The following CUL7 variants were observed in gnomAD, a reference collection of about 807,000 sequenced individuals.
CUL7 encodes the protein cullin 7.
In CUL7, 96 loss-of-function variants were observed where a neutral mutation model predicts 177.7. The observed-to-expected ratio is 0.54, with a 90% CI of 0.46 to 0.64. The LOEUF (loss-of-function observed/expected upper bound fraction) is 0.64, where lower values mean the gene tolerates loss of function less well. CUL7 is among the 30% of genes least tolerant of loss of function. The pLI, the probability that CUL7 is intolerant of heterozygous loss-of-function variation, is 0.00. For missense variants in CUL7, 1,893 were observed against 2,187.9 expected (o/e 0.87, Z 2.69); for synonymous variants, 824 against 890.2 (o/e 0.93, Z 1.32).
In CUL7 at chr6:43,037,904, G is replaced by C. The variant is rs1298638653; in HGVS notation, c.4881C>G (p.His1627Gln). ...GTCTCAGCGTGCCCTTGCCCAGGAG[G>C]TGTAGGATGCAGGAGAGGACGTCAG... ...SSTDVLSCIL[H>Q]LLGKGTLRRH... Residue 1627 changes from histidine to glutamine, a missense_variant, in exon 26 of 26, where the codon CAC (histidine) becomes CAG (glutamine). Physicochemically the swap from His to Gln is conservative, Grantham distance 24. Around this residue, in one of 5 missense-constraint regions of CUL7, gnomAD observed 248 missense variants for 262.5 expected, o/e 0.94. Coordinates refer to ENST00000265348, the MANE Select transcript of CUL7 (RefSeq NM_014780.5). 1 of 1,612,880 alleles carries C rather than the reference G, an allele frequency of 6.2e-7. No individual in the cohort carries two copies. Among genetic ancestry groups the C allele is most frequent in the Non-Finnish European group, 8.5e-7 (1 of 1,179,198 alleles).
rs549059005 is a variant in CUL7, at chr6:43,047,063, C to T, written c.2214G>A (p.Val738=). 13 of 1,613,548 alleles carry T rather than the reference C, an allele frequency of 8.1e-6. No homozygotes were observed. The East Asian group carries it at 1.8e-4, about 22-fold the overall frequency. The change falls in exon 10 of 26, where the codon GTG becomes GTA. Residue 738 remains valine, a synonymous_variant. Transcript: ENST00000265348. Reference sequence around the variant, plus strand: ...TCAGCACCACGGCATAGTCCCTGCTCACTGAGGTCAGGCGGTGCAGGAAGA... The same window carrying T: ...TCAGCACCACGGCATAGTCCCTGCTTACTGAGGTCAGGCGGTGCAGGAAGA... ...LIFFLHRLTS[V]SRDYAVVLNQ...
rs901304548 is a variant in CUL7 at position 43,046,987 on chromosome 6, C to T, written c.2290G>A (p.Gly764Arg). 6.2e-7 allele frequency: 1 copy of T among 1,613,046 alleles called. No individual in the cohort carries two copies. Among genetic ancestry groups the T allele is most frequent in the Non-Finnish European group, 8.5e-7 (1 of 1,179,044 alleles). The change falls in exon 10 of 26, where the codon GGA (glycine) becomes AGA (arginine). Residue 764 changes from glycine to arginine, a missense_variant. Physicochemically the swap from Gly to Arg is moderately radical, Grantham distance 125. Transcript: ENST00000265348. ...AGCTCCTGAGCCAGCTCCAGCTTTCCCAGGTGCTTTTCCAGGGCCTTGGAG... is the reference window on the plus strand; with the variant it reads ...AGCTCCTGAGCCAGCTCCAGCTTTCTCAGGTGCTTTTCCAGGGCCTTGGAG... ...AISKALEKHLGKLELAQELRD... is the reference protein window; with the variant it reads ...AISKALEKHLRKLELAQELRD...
Position 43,052,921 on chromosome 6 carries a change from C to T in CUL7, c.-8-125G>A, listed in dbSNP as rs1764550159. 4 of 974,692 alleles carry T rather than the reference C, an allele frequency of 4.1e-6. No homozygotes were observed. Among genetic ancestry groups the T allele is most frequent in the African/African-American group, 1.6e-5 (1 of 62,548 alleles). The allele number at this position is 974,692 out of a possible 1,614,324, so 60.4% of individuals were successfully genotyped here. A position where few individuals can be genotyped will look rare whatever the true frequency, so the allele number is the denominator to read the frequency against. On this transcript the variant is annotated intron_variant, in intron 1 of 25. Coordinates refer to ENST00000265348, the MANE Select transcript of CUL7 (RefSeq NM_014780.5). The surrounding 1 kb of genome is among the most constrained non-coding windows in gnomAD (Gnocchi z 4.5). ...CAGGCGGGGTGGGGTAAAGCCAGGCCCAGGAGTTGCATGCTGCACGCTGGG... is the reference window on the plus strand; with the variant it reads ...CAGGCGGGGTGGGGTAAAGCCAGGCTCAGGAGTTGCATGCTGCACGCTGGG...
intron 19 of CUL7, among the ~76,000 whole-genome samples, chr6:43,041,850 A>T (rs1005182105): frequency 1.3e-5 from 2 of 151,920 alleles, no homozygotes; most frequent in African/African-American, 4.8e-5. Context: ...CTAAAAATAC[A>T]AAAATTGGCT....
intron 22 of CUL7, among the ~76,000 whole-genome samples, chr6:43,039,802 C>T (rs1449447650): frequency 2.8e-5 from 4 of 143,968 alleles, no homozygotes; most frequent in East Asian, 2.0e-4. Context: ...TGCAGTGGCA[C>T]GATCTCGGCT....
rs527664718 is a variant in CUL7, at chr6:43,042,994, A to G, written c.3463-10T>C. 51 of 1,614,176 alleles carry G rather than the reference A, an allele frequency of 3.2e-5. 1 individual carries two copies. The East Asian group carries it at 9.4e-4, about 30-fold the overall frequency. ...TCAGAAAATTGTTCACCTGGAAGGA[A>G]GGGGCAGGAGCATGAAGACACAACC... On this transcript the variant is annotated splice_polypyrimidine_tract_variant and intron_variant, in intron 18 of 25. Transcript: ENST00000265348.
Position 43,048,351 on chromosome 6 carries a change from G to A in CUL7, c.2044C>T (p.Leu682=), listed in dbSNP as rs917753316. ...SLDTPETNRT[L]HLTVLRILKQ... is the part of the protein sequence containing the mutation. ...TCTCACCTCAGCACAGTCAGGTGCA[G>A]GGTCCTGTTAGTCTCCGGAGTGTCC... Residue 682 remains leucine, a synonymous_variant, in exon 8 of 26, where the codon CTG becomes TTG. Coordinates refer to ENST00000265348, the MANE Select transcript of CUL7 (RefSeq NM_014780.5). The A allele has an allele frequency of 6.2e-6, 10 of 1,611,938 alleles. No homozygotes were observed. Among genetic ancestry groups the A allele is most frequent in the Non-Finnish European group, 7.6e-6 (9 of 1,178,018 alleles).
In CUL7 at chr6:43,043,058, G is replaced by C. The variant is rs909479196; in HGVS notation, c.3462+16C>G. ...TTATGGTGTCCCCTCTCTCCCGCAG[G>C]CCTGCTCCTGCCCACCTGCTTCTCC... is the stretch of plus-strand genomic sequence containing the variant. On this transcript the variant is annotated intron_variant, in intron 18 of 25. Coordinates refer to ENST00000265348, the MANE Select transcript of CUL7 (RefSeq NM_014780.5). The surrounding 1 kb of genome is among the most constrained non-coding windows in gnomAD (Gnocchi z 4.2). 6.2e-7 allele frequency: 1 copy of C among 1,613,398 alleles called. No individual in the cohort carries two copies. The highest frequency in any genetic ancestry group is 1.3e-5 in the African/African-American group (1 of 74,908).
At chr6:43,049,201 A>T (rs1764195262) in intron 7 of CUL7, among the ~76,000 whole-genome samples, 4 of 152,174 alleles carry the variant, frequency 2.6e-5, no homozygotes. Context: ...AGTCTTCAAA[A>T]TTCTCTTGCA....
rs34049794 is a variant in CUL7 at position 43,045,332 on chromosome 6, C to T, written c.2933G>A (p.Arg978Gln). ...GPKPTFWPVF[R>Q]EQLCRHTRLF... ...GCGTGTGTGACGACAGAGCTGCTCC[C>T]GGAACACTGGCCAGAACGTGGGCTT... The change falls in exon 15 of 26, where the codon CGG becomes CAG. Residue 978 changes from arginine to glutamine, a missense_variant. Coordinates refer to ENST00000265348, the MANE Select transcript of CUL7 (RefSeq NM_014780.5). This position sits in a 1 kb window ranked among gnomAD's most constrained non-coding sequence, Gnocchi z 4.8. The T allele has an allele frequency of 3.5e-5, 57 of 1,614,126 alleles. No homozygotes were observed. The highest frequency in any genetic ancestry group is 4.4e-5 in the Non-Finnish European group (52 of 1,180,048).
In CUL7 at chr6:43,040,871, C is replaced by T. The variant is rs1193962614; in HGVS notation, c.3806+44G>A. ...GCCCATGAGCTGGCTCTGCCACCAT[C>T]ATCCTGCCTCCCGCCAGCTCCCGCT... On this transcript the variant is annotated intron_variant, in intron 20 of 25. Transcript: ENST00000265348. This position sits in a 1 kb window ranked among gnomAD's most constrained non-coding sequence, Gnocchi z 4.2. 6.2e-7 allele frequency: 1 copy of T among 1,608,784 alleles called. No homozygotes were observed.
rs751414053 is a variant in CUL7 at position 43,037,821 on chromosome 6, G to A, written c.4964C>T (p.Pro1655Leu). The change falls in exon 26 of 26, where the codon CCT becomes CTT. Residue 1655 changes from proline (P) to leucine (L), a missense_variant. Pro to Leu is a moderately conservative substitution (Grantham distance 98). Transcript: ENST00000265348. ...GCCTGGGTTCAGGGACTCAGTGTGA[G>A]GCTCCATGACAGTCACAGGGACTGC... ...SYAVPVTVME[P>L]HTESLNPGSS... The A allele has an allele frequency of 3.7e-6, 6 of 1,611,322 alleles. No individual in the cohort carries two copies. In the Middle Eastern group the frequency reaches 6.6e-4, roughly 177 times the overall value.
At position 43,043,711 on chromosome 6, in the gene CUL7, G is replaced by C. The variant is rs1461492582; in HGVS notation, c.3173-81C>G. ...TGGTTGGGCTGAACAGGAGTGTGGA[G>C]ATAGAGCAACTGGACGGAATGATAC... On this transcript the variant is annotated intron_variant, in intron 16 of 25. Coordinates refer to ENST00000265348, the MANE Select transcript of CUL7 (RefSeq NM_014780.5). This position sits in a 1 kb window ranked among gnomAD's most constrained non-coding sequence, Gnocchi z 4.2. 2 of 930,850 alleles carry C rather than the reference G, an allele frequency of 2.1e-6. No homozygotes were observed. The highest frequency in any genetic ancestry group is 3.3e-5 in the African/African-American group (2 of 61,388). 57.7% of individuals were successfully genotyped at this position (930,850 alleles called of 1,614,324 possible). A position where few individuals can be genotyped will look rare whatever the true frequency, so the allele number is the denominator to read the frequency against.
In CUL7 at chr6:43,052,948, G is replaced by A. The variant is rs1248770023; in HGVS notation, c.-8-152C>T. Among the ~76,000 whole-genome samples, 1 of 152,242 alleles carries A rather than the reference G, an allele frequency of 6.6e-6. No homozygotes were observed. The highest frequency in any genetic ancestry group is 1.5e-5 in the Non-Finnish European group (1 of 68,044). ...AGGAGTTGCATGCTGCACGCTGGGT[G>A]GGGGCAGGCCTAAGCAGAGAACACT... On this transcript the variant is annotated intron_variant, in intron 1 of 25. Transcript: ENST00000265348. The surrounding 1 kb of genome is among the most constrained non-coding windows in gnomAD (Gnocchi z 4.5).
chr6:43,045,741 G>C lies in CUL7; in HGVS notation c.2767-59C>G. ...ACATGCAGAGCCAAGTTGGCTCTAG[G>C]CTCCAGTCCCCTCACTGTTTCCCTC... On this transcript the variant is annotated intron_variant, in intron 13 of 25. Coordinates refer to ENST00000265348, the MANE Select transcript of CUL7 (RefSeq NM_014780.5). The surrounding 1 kb of genome is among the most constrained non-coding windows in gnomAD (Gnocchi z 4.8). 6.4e-7 allele frequency: 1 copy of C among 1,556,334 alleles called. No homozygotes were observed. Among genetic ancestry groups the C allele is most frequent in the Non-Finnish European group, 8.9e-7 (1 of 1,127,934 alleles).
At chr6:43,044,509 A>G (rs1475495005) in intron 16 of CUL7, among the ~76,000 whole-genome samples, 4 of 152,068 alleles carry the variant, frequency 2.6e-5, no homozygotes, top group South Asian at 2.1e-4. Flanking sequence ...AAAAAAAAAA[A>G]AAGAAGAATG....
intron 19 of CUL7, among the ~76,000 whole-genome samples, chr6:43,041,654 A>C (rs2150312392): frequency 6.7e-6 from 1 of 150,254 alleles, no homozygotes; most frequent in South Asian, 2.1e-4. Context: ...AAAGGAGAGG[A>C]AAAGAGGGGA....
chr6:43,050,122 G>A lies in CUL7; in HGVS notation c.1410C>T (p.Leu470=). ...CAGGCAGCACATAAGGCACAGCATA[G>A]AGTTCTGTCATGGGCCTCCAGCGCC... ...PAWRWRPMTE[L]YAVPYVLPED... is the part of the protein sequence containing the mutation. Residue 470 remains leucine (L), a synonymous_variant, in exon 6 of 26, where the codon CTC becomes CTT. Coordinates refer to ENST00000265348, the MANE Select transcript of CUL7 (RefSeq NM_014780.5). The surrounding 1 kb of genome is among the most constrained non-coding windows in gnomAD (Gnocchi z 4.1). 6.2e-7 allele frequency: 1 copy of A among 1,614,212 alleles called. No homozygotes were observed. Among genetic ancestry groups the A allele is most frequent in the Non-Finnish European group, 8.5e-7 (1 of 1,180,050 alleles).
In CUL7 at chr6:43,051,682, A is replaced by G. The variant is rs2150336297; in HGVS notation, c.662T>C (p.Leu221Pro). 1 of 1,614,178 alleles carries G rather than the reference A, an allele frequency of 6.2e-7. No individual in the cohort carries two copies. The highest frequency in any genetic ancestry group is 1.3e-5 in the African/African-American group (1 of 75,026). The change falls in exon 3 of 26, where the codon CTG becomes CCG. Residue 221 changes from leucine (L) to proline (P), a missense_variant. Physicochemically the swap from Leu to Pro is moderately conservative, Grantham distance 98. Around this residue, in one of 5 missense-constraint regions of CUL7, gnomAD observed 653 missense variants for 725.2 expected, o/e 0.90. Coordinates refer to ENST00000265348, the MANE Select transcript of CUL7 (RefSeq NM_014780.5). The surrounding 1 kb of genome is among the most constrained non-coding windows in gnomAD (Gnocchi z 5.0). ...KHLDFDSRCA[L>P]LALFAQATLS... ...CGTGGCCTGTGCAAACAGTGCTAGC[A>G]GAGCACAGCGGCTGTCAAAATCCAG...
Sources: gnomAD v4.1 joint callset for allele counts (sites outside exome capture counted in the v4.1 genomes callset) on GRCh38, gnomAD v4.1.1 for gene constraint, gnomAD v4.1.1 regional missense constraint, Gnocchi (gnomAD v3.1) non-coding constraint, MANE v1.5 for transcripts, NCBI Gene and HGNC (gene_info 2026-07-23, HGNC 2026-07-21) for gene names.